The following PLEKHM3 variants were observed in gnomAD, a reference collection of about 807,000 sequenced individuals.
PLEKHM3 encodes pleckstrin homology domain-containing family M member 3.
PLEKHM3 carries 45 observed loss-of-function variants against 81.8 expected under a neutral mutation model. That is an observed-to-expected ratio of 0.55 (90% CI 0.43 to 0.71). PLEKHM3 has a LOEUF of 0.71. PLEKHM3 is among the 30% of genes least tolerant of loss of function. PLEKHM3 has a pLI of 0.00. For synonymous variants in PLEKHM3, 352 were observed against 356.4 expected, an observed-to-expected ratio of 0.99 and a Z score of 0.14; for missense variants, 788 against 924.3, an observed-to-expected ratio of 0.85 and a Z score of 1.91.
At chr2:207,844,096 T>C (rs1379690639) in intron 7 of PLEKHM3, among the ~76,000 whole-genome samples, 2 of 150,634 alleles carry the variant, frequency 1.3e-5, no homozygotes, top group Non-Finnish European at 3.0e-5. Flanking sequence ...AAAAAAAAAG[T>C]AGGACTTAAC....
At chr2:207,893,470 C>T (rs1392423685) in intron 6 of PLEKHM3, among the ~76,000 whole-genome samples, 1 of 152,140 alleles carries the variant, frequency 6.6e-6, no homozygotes, top group Non-Finnish European at 1.5e-5. Context: ...TGAAGGGAAC[C>T]TTTAGGCTGA....
Position 207,927,101 on chromosome 2 carries a change from T to C in PLEKHM3, c.1886+3825A>G, listed in dbSNP as rs116814158. 9.5e-3 allele frequency among the ~76,000 whole-genome samples: 1,441 copies of C among 152,274 alleles called. 18 individuals are homozygous for C. Among genetic ancestry groups the C allele is most frequent in the African/African-American group, 0.032 (1,345 of 41,546 alleles). The stretch of plus-strand genomic sequence containing the variant: ...CGACTAGATAAGAACTGGATTCTCT[T>C]GCTTTTTTTTGTTCCCCATCAACTC... On this transcript the variant is annotated intron_variant, in intron 5 of 7. Transcript: ENST00000427836.
intron 1 of PLEKHM3, among the ~76,000 whole-genome samples, chr2:208,007,923 G>T (rs1461882598): frequency 6.6e-6 from 1 of 152,036 alleles, no homozygotes; most frequent in African/African-American, 2.4e-5. Flanking sequence ...CATGGTGGCG[G>T]GTACCTGTAG....
At chr2:207,925,611 C>T (rs548171495) in intron 5 of PLEKHM3, among the ~76,000 whole-genome samples, 3 of 152,304 alleles carry the variant, frequency 2.0e-5, no homozygotes, top group East Asian at 3.9e-4. Context: ...TCCAACTTAA[C>T]GCAGAGTTTA....
intron 2 of PLEKHM3, among the ~76,000 whole-genome samples, chr2:207,985,830 CCA>C (rs1398304922): frequency 9.9e-5 from 15 of 151,552 alleles, no homozygotes; most frequent in Non-Finnish European, 1.8e-4. Context: ...ACTAAAAATA[CCA>C]AAAAAATTAG....
intron 2 of PLEKHM3, among the ~76,000 whole-genome samples, chr2:207,997,596 G>A (rs1249785612): frequency 2.0e-5 from 3 of 152,204 alleles, no homozygotes; most frequent in Non-Finnish European, 4.4e-5. Flanking sequence ...ATCCACTGAG[G>A]AAATTTTATT....
intron 5 of PLEKHM3, among the ~76,000 whole-genome samples, chr2:207,928,237 A>AGAC (rs1404261618): frequency 6.6e-6 from 1 of 152,244 alleles, no homozygotes; most frequent in African/African-American, 2.4e-5. Flanking sequence ...GCTTGTAGGC[A>AGAC]GACTGCTCCA....
rs1399244829 is a variant in PLEKHM3 at position 207,843,603 on chromosome 2, A to G, written c.2109-15107T>C. ...GCTCCACCGAAGAGGTTGTTACCTC[A>G]GGCCTCTGAGCTCATTCCACGCTGC... On this transcript the variant is annotated intron_variant, in intron 7 of 7. Coordinates refer to ENST00000427836, the MANE Select transcript of PLEKHM3 (RefSeq NM_001080475.3). This position sits in a 1 kb window ranked among gnomAD's most constrained non-coding sequence, Gnocchi z 4.4. Among the ~76,000 whole-genome samples the G allele has an allele frequency of 6.6e-6, 1 of 152,162 alleles. No individual in the cohort carries two copies. The highest frequency in any genetic ancestry group is 2.4e-5 in the African/African-American group (1 of 41,420).
In PLEKHM3 at chr2:207,828,249, T is replaced by C; in HGVS notation, c.*70A>G. The C allele has an allele frequency of 6.6e-7, 1 of 1,504,608 alleles. No homozygotes were observed. Among genetic ancestry groups the C allele is most frequent in the Non-Finnish European group, 9.0e-7 (1 of 1,112,666 alleles). 93.2% of individuals were successfully genotyped at this position (1,504,608 alleles called of 1,614,324 possible). The stretch of plus-strand genomic sequence containing the variant: ...CTTCTTCCAAAGGGGTCTAACTGGC[T>C]AGTTAGGAGGCCGCTCTGGGGCTGA... On this transcript the variant is annotated 3_prime_UTR_variant, in exon 8 of 8. Transcript: ENST00000427836.
At chr2:207,987,907 CA>C (rs745895965) in intron 2 of PLEKHM3, among the ~76,000 whole-genome samples, 1 of 152,178 alleles carries the variant, frequency 6.6e-6, no homozygotes, top group Non-Finnish European at 1.5e-5. Context: ...AGCTAAAACT[CA>C]TTTTCTCTTA....
chr2:207,936,128 G>A (rs577393368), intron 4 of PLEKHM3, among the ~76,000 whole-genome samples: 18 of 152,166 alleles, frequency 1.2e-4, no homozygotes, highest in South Asian at 4.1e-4. Context: ...GTAGGACTAC[G>A]TGTGCATGAC....
chr2:207,912,447 C>T (rs1298444387), intron 5 of PLEKHM3, among the ~76,000 whole-genome samples: 1 of 152,128 alleles, frequency 6.6e-6, no homozygotes, highest in Non-Finnish European at 1.5e-5. Flanking sequence ...ATAACAGACA[C>T]AAAGAACTGG....
At chr2:207,903,440 A>T (rs747998286) in intron 6 of PLEKHM3, among the ~76,000 whole-genome samples, 3 of 152,146 alleles carry the variant, frequency 2.0e-5, no homozygotes, top group Admixed American at 6.5e-5. Flanking sequence ...TTTCTCATGA[A>T]TCGCCACAAA....
intron 7 of PLEKHM3, among the ~76,000 whole-genome samples, chr2:207,834,678 G>C (rs918807255): frequency 6.6e-6 from 1 of 151,872 alleles, no homozygotes; most frequent in African/African-American, 2.4e-5. Context: ...ACCTGCCTCG[G>C]CCTCCCAAAG....
rs73983604 is a variant in PLEKHM3, at chr2:207,825,972, G to T, written c.*2347C>A. ...ATCCAGAATTTCGCCCTTGACTCTC[G>T]GCAGGTATGACCCTGGGTGCCTGTG... On this transcript the variant is annotated 3_prime_UTR_variant, in exon 8 of 8. Transcript: ENST00000427836. 1 of 152,104 alleles carries T rather than the reference G, an allele frequency of 6.6e-6. No individual in the cohort carries two copies. Among genetic ancestry groups the T allele is most frequent in the Non-Finnish European group, 1.5e-5 (1 of 68,020 alleles). 9.4% of individuals were successfully genotyped at this position (152,104 alleles called of 1,614,324 possible).
intron 6 of PLEKHM3, among the ~76,000 whole-genome samples, chr2:207,904,892 T>C (rs1231414745): frequency 6.6e-6 from 1 of 152,194 alleles, no homozygotes; most frequent in African/African-American, 2.4e-5. Context: ...AAGATTGCAA[T>C]TTTTTTGGTA....
Position 207,977,223 on chromosome 2 carries a change from G to C in PLEKHM3, c.974C>G (p.Pro325Arg). 6.2e-7 allele frequency: 1 copy of C among 1,614,134 alleles called. No individual in the cohort carries two copies. The highest frequency in any genetic ancestry group is 8.5e-7 in the Non-Finnish European group (1 of 1,180,006). ...MGRQNELTIS[P>R]GLGHHDDYTQ... ...ATAGTCATCATGATGGCCAAGCCCT[G>C]GTGAGATTGTCAGCTCATTCTGCCG... Residue 325 changes from proline to arginine, a missense_variant, in exon 3 of 8, where the codon CCA (proline) becomes CGA (arginine). Transcript: ENST00000427836.
In PLEKHM3 at chr2:207,908,654, T is replaced by C. The variant is rs182393336; in HGVS notation, c.1887-77A>G. ...ATTTTTCTGATAAGTTTCAGTCTCA[T>C]TCAAGAATTCCTTTCCTCTGCCCTG... is the stretch of plus-strand genomic sequence containing the variant. On this transcript the variant is annotated intron_variant, in intron 5 of 7. Transcript: ENST00000427836. The C allele has an allele frequency of 1.7e-4, 230 of 1,332,534 alleles. 2 individuals are homozygous for C. In the African/African-American group the frequency reaches 2.6e-3, roughly 15 times the overall value. The allele number at this position is 1,332,534 out of a possible 1,614,324, so 82.5% of individuals were successfully genotyped here.
chr2:207,877,504 T>C lies in PLEKHM3; in HGVS notation c.1951-16242A>G, dbSNP rs144345519. 1.0e-3 allele frequency among the ~76,000 whole-genome samples: 158 copies of C among 152,332 alleles called. 1 individual carries two copies. Among genetic ancestry groups the C allele is most frequent in the Middle Eastern group, 6.8e-3 (2 of 294 alleles). On this transcript the variant is annotated intron_variant, in intron 6 of 7. Transcript: ENST00000427836. ...CCTTGGGCTCCCTGTCCTTCATGAA[T>C]GTGACTAATTGAAGAAAAAGGATTT...
Sources: allele counts gnomAD v4.1 joint callset (sites outside exome capture counted in the v4.1 genomes callset), GRCh38; gene constraint gnomAD v4.1.1; non-coding constraint Gnocchi (gnomAD v3.1); transcripts MANE v1.5; gene names NCBI Gene and HGNC (gene_info 2026-07-23, HGNC 2026-07-21).